The following ADGRB3 variants were observed in gnomAD, a reference collection of about 807,000 sequenced individuals.
The protein encoded by ADGRB3 is adhesion G protein-coupled receptor B3, also known as brain-specific angiogenesis inhibitor 3.
In ADGRB3, 37 loss-of-function variants were observed where a neutral mutation model predicts 193.4. The ratio of observed to expected loss-of-function variants is 0.19; its 90% CI spans 0.15 to 0.25. The LOEUF (loss-of-function observed/expected upper bound fraction) is 0.25, where lower values mean the gene tolerates loss of function less well. Ranked by LOEUF, ADGRB3 falls within the 10% of genes least tolerant of loss-of-function variation. The pLI is 1.00. For synonymous variants in ADGRB3, 690 were observed against 644.2 expected, an observed-to-expected ratio of 1.07 and a Z score of -1.08; for missense variants, 1,637 against 1,852.9, an observed-to-expected ratio of 0.88 and a Z score of 2.14.
intron 3 of ADGRB3, among the ~76,000 whole-genome samples, chr6:68,710,647 C>T (rs1452500755): frequency 2.0e-5 from 3 of 152,128 alleles, no homozygotes; most frequent in African/African-American, 4.8e-5. Context: ...CCAGCCTGGC[C>T]TCTGCAGTGT....
At chr6:69,073,867 G>A (rs760499012) in intron 16 of ADGRB3, among the ~76,000 whole-genome samples, 4 of 152,060 alleles carry the variant, frequency 2.6e-5, no homozygotes, top group Non-Finnish European at 4.4e-5. Flanking sequence ...AGTCATGGCC[G>A]ACCTCCGCCC....
intron 3 of ADGRB3, among the ~76,000 whole-genome samples, chr6:68,872,979 G>T (rs1327359590): frequency 6.6e-6 from 1 of 152,102 alleles, no homozygotes; most frequent in Non-Finnish European, 1.5e-5. Flanking sequence ...GGAGAGGAGA[G>T]AAATGTATTG....
intron 3 of ADGRB3, among the ~76,000 whole-genome samples, chr6:68,761,456 C>G (rs1749820530): frequency 6.6e-6 from 1 of 151,382 alleles, no homozygotes; most frequent in African/African-American, 2.4e-5. Flanking sequence ...ACAGTTACTA[C>G]ATATTTCTTT....
At chr6:69,384,976 G>C in intron 31 of ADGRB3, among the ~76,000 whole-genome samples, 1 of 127,650 alleles carries the variant, frequency 7.8e-6, no homozygotes. Context: ...TTTTTTTTCC[G>C]GGCTGCTGAC....
chr6:68,754,438 G>A (rs766562694), intron 3 of ADGRB3, among the ~76,000 whole-genome samples: 1 of 152,166 alleles, frequency 6.6e-6, no homozygotes, highest in African/African-American at 2.4e-5. Flanking sequence ...TGCTGTGCTT[G>A]TATTACTACA....
chr6:69,279,527 T>A (rs1284028584), intron 20 of ADGRB3, among the ~76,000 whole-genome samples: 1 of 152,070 alleles, frequency 6.6e-6, no homozygotes, highest in Non-Finnish European at 1.5e-5. Context: ...ACATTTAAAA[T>A]TTTACTTCAG....
At chr6:69,029,441 CATTCTAAGGCACATAATTTCTTTTGA>C (rs1770552577) in intron 13 of ADGRB3, among the ~76,000 whole-genome samples, 1 of 152,186 alleles carries the variant, frequency 6.6e-6, no homozygotes, top group South Asian at 2.1e-4. Context: ...CCAAACCTTT[CATTCTAAGGCACATAATTTCTTTTGA>C]ATTTTTTATT....
At chr6:69,077,977 A>G (rs536116187) in intron 17 of ADGRB3, among the ~76,000 whole-genome samples, 1 of 152,138 alleles carries the variant, frequency 6.6e-6, no homozygotes, top group African/African-American at 2.4e-5. Context: ...AGGTTAAGGC[A>G]ACTTTATTTC....
intron 27 of ADGRB3, among the ~76,000 whole-genome samples, chr6:69,355,313 C>A (rs533531692): frequency 6.6e-6 from 1 of 152,264 alleles, no homozygotes; most frequent in Admixed American, 6.5e-5. Flanking sequence ...AACCTGAAAG[C>A]TTTTTGCCAC....
intron 3 of ADGRB3, among the ~76,000 whole-genome samples, chr6:68,678,371 A>G (rs1764807137): frequency 1.3e-5 from 2 of 152,210 alleles, no homozygotes. Context: ...TTTTCAAGTG[A>G]GAAAAAATAA....
intron 3 of ADGRB3, among the ~76,000 whole-genome samples, chr6:68,668,258 CAT>C: frequency 6.6e-6 from 1 of 152,066 alleles, no homozygotes; most frequent in East Asian, 1.9e-4. Flanking sequence ...GCAGAAAAAA[CAT>C]CTCTCTTTCA....
At chr6:68,980,791 G>A (rs1275985026) in intron 10 of ADGRB3, among the ~76,000 whole-genome samples, 1 of 151,332 alleles carries the variant, frequency 6.6e-6, no homozygotes, top group Non-Finnish European at 1.5e-5. Context: ...TACCTGTTCT[G>A]CAAATTCTAT....
At chr6:68,837,526 A>C (rs1267060357) in intron 3 of ADGRB3, among the ~76,000 whole-genome samples, 1 of 152,222 alleles carries the variant, frequency 6.6e-6, no homozygotes, top group Non-Finnish European at 1.5e-5. Context: ...ATTTCTGTAG[A>C]GTATATATCC....
chr6:69,069,865 T>C (rs534823712), intron 16 of ADGRB3, among the ~76,000 whole-genome samples: 2 of 152,194 alleles, frequency 1.3e-5, no homozygotes, highest in Non-Finnish European at 2.9e-5. Flanking sequence ...TGGGTAGTTA[T>C]ATACAATAAT....
At chr6:69,318,324 T>C (rs1187826429) in intron 20 of ADGRB3, among the ~76,000 whole-genome samples, 2 of 151,470 alleles carry the variant, frequency 1.3e-5, no homozygotes, top group African/African-American at 4.8e-5. Context: ...TGCTTTCACG[T>C]TTATTAATGT....
intron 3 of ADGRB3, among the ~76,000 whole-genome samples, chr6:68,814,056 C>A (rs1291021824): frequency 6.6e-6 from 1 of 152,138 alleles, no homozygotes; most frequent in Non-Finnish European, 1.5e-5. Flanking sequence ...ATTTATAATC[C>A]TTTGGGTATA....
chr6:69,056,969 C>G (rs548816109), intron 15 of ADGRB3, among the ~76,000 whole-genome samples: 3 of 152,118 alleles, frequency 2.0e-5, no homozygotes, highest in South Asian at 2.1e-4. Flanking sequence ...TGCAAAAATA[C>G]CATTTGGATA....
At position 68,702,208 on chromosome 6, in the gene ADGRB3, AAGAG is replaced by A. The variant is rs140234329; in HGVS notation, c.757+62795_757+62798del. On this transcript the variant is annotated intron_variant, in intron 3 of 31. Transcript: ENST00000370598. ...TCACATGGCAAGAACAGGAGCGAGAAAGAGAGAGAGAGAGAGAGAGAGGAGAGGG... is the reference window on the plus strand; with the variant it reads ...TCACATGGCAAGAACAGGAGCGAGAAAGAGAGAGAGAGAGAGAGGAGAGGG... Among the ~76,000 whole-genome samples the A allele has an allele frequency of 9.9e-4, 147 of 149,100 alleles. 1 individual carries two copies. Among genetic ancestry groups the A allele is most frequent in the African/African-American group, 3.1e-3 (126 of 40,632 alleles).
chr6:69,280,732 C>G (rs148591199), intron 20 of ADGRB3, among the ~76,000 whole-genome samples: 1 of 152,056 alleles, frequency 6.6e-6, no homozygotes, highest in African/African-American at 2.4e-5. Flanking sequence ...AGCACAATGC[C>G]TGGCACACAA....
Sources: gnomAD v4.1 joint callset for allele counts (sites outside exome capture counted in the v4.1 genomes callset) on GRCh38, gnomAD v4.1.1 for gene constraint, MANE v1.5 for transcripts, NCBI Gene and HGNC (gene_info 2026-07-23, HGNC 2026-07-21) for gene names.